FAM20C: variants seen among roughly 807,000 people sequenced by gnomAD.
FAM20C encodes FAM20C golgi associated secretory pathway kinase, also known as extracellular serine/threonine protein kinase FAM20C.
In FAM20C, 40 loss-of-function variants were observed where a neutral mutation model predicts 51.5. The ratio of observed to expected loss-of-function variants is 0.78; its 90% CI spans 0.60 to 1.01. The LOEUF (loss-of-function observed/expected upper bound fraction) is 1.01, where lower values mean the gene tolerates loss of function less well. Among genes scored for constraint, FAM20C ranks in the 50% least tolerant of loss-of-function variants. The pLI, the probability that FAM20C is intolerant of heterozygous loss-of-function variation, is 0.00. For synonymous variants in FAM20C, 406 were observed against 380.6 expected, an observed-to-expected ratio of 1.07 and a Z score of -0.78; for missense variants, 861 against 844.7, an observed-to-expected ratio of 1.02 and a Z score of -0.24.
At chr7:249,834 C>T (rs1161952443) in intron 5 of FAM20C, among the ~76,000 whole-genome samples, 1 of 152,228 alleles carries the variant, frequency 6.6e-6, no homozygotes, top group African/African-American at 2.4e-5. Flanking sequence ...GCCCCTGCTG[C>T]ACAGCCTGTT....
At chr7:220,755 G>C (rs913426534) in intron 3 of FAM20C, among the ~76,000 whole-genome samples, 2 of 152,234 alleles carry the variant, frequency 1.3e-5, no homozygotes, top group African/African-American at 4.8e-5. Flanking sequence ...GAAGCTCCAC[G>C]TGGTGGGCAG....
chr7:227,123 ATT>A (rs143466747), intron 3 of FAM20C, among the ~76,000 whole-genome samples: 3 of 149,370 alleles, frequency 2.0e-5, no homozygotes, highest in Non-Finnish European at 3.0e-5. Context: ...AAGGAAAGTC[ATT>A]TTTTTTTTCC....
At chr7:226,359 A>C (rs188322238) in intron 3 of FAM20C, among the ~76,000 whole-genome samples, 1 of 152,154 alleles carries the variant, frequency 6.6e-6, no homozygotes, top group African/African-American at 2.4e-5. Flanking sequence ...GTTTGAAAAC[A>C]GATCAACGTT....
chr7:196,076 C>T (rs1453548962), intron 2 of FAM20C, among the ~76,000 whole-genome samples: 3 of 152,090 alleles, frequency 2.0e-5, no homozygotes, highest in African/African-American at 4.8e-5. Context: ...TCTCTGGCGG[C>T]GGTGACCCCT....
At position 231,937 on chromosome 7, in the gene FAM20C, C is replaced by T. The variant is rs146389095; in HGVS notation, c.864-14478C>T. 9.8e-3 allele frequency among the ~76,000 whole-genome samples: 1,490 copies of T among 152,310 alleles called. 19 individuals carry two copies. The highest frequency in any genetic ancestry group is 0.034 in the African/African-American group (1,427 of 41,550). ...CAGGACACCCAAGGACTCCATCCTC[C>T]GGCCCCAGCACCCGCCCCTGCCCAG... On this transcript the variant is annotated intron_variant, in intron 3 of 9. Coordinates refer to ENST00000313766, the MANE Select transcript of FAM20C (RefSeq NM_020223.4).
chr7:231,631 G>A (rs971972092), intron 3 of FAM20C, among the ~76,000 whole-genome samples: 2 of 152,166 alleles, frequency 1.3e-5, no homozygotes, highest in African/African-American at 4.8e-5. Context: ...GTGTGGTCAG[G>A]AGGCTGCCTG....
At chr7:243,944 A>AATAATAATAATAATT (rs771341264) in intron 3 of FAM20C, among the ~76,000 whole-genome samples, 3 of 136,842 alleles carry the variant, frequency 2.2e-5, no homozygotes, top group African/African-American at 5.4e-5. Context: ...TAATAATAAT[A>AATAATAATAATAATT]ATTATTATTA....
chr7:234,487 G>A (rs1172614672), intron 3 of FAM20C, among the ~76,000 whole-genome samples: 4 of 152,150 alleles, frequency 2.6e-5, no homozygotes, highest in African/African-American at 7.2e-5. Context: ...TGCCAGGACC[G>A]GGACTCCTCT....
At chr7:211,223 G>C (rs928766094) in intron 3 of FAM20C, among the ~76,000 whole-genome samples, 1 of 134,284 alleles carries the variant, frequency 7.4e-6, no homozygotes, top group East Asian at 2.3e-4. Flanking sequence ...GCCTCCCCTC[G>C]GACCTTCCCA....
chr7:202,555 A>G (rs1393927040), intron 2 of FAM20C, among the ~76,000 whole-genome samples: 1 of 142,994 alleles, frequency 7.0e-6, no homozygotes, highest in Non-Finnish European at 1.5e-5. Flanking sequence ...GTGCATAGAG[A>G]GGACGGGTAG....
rs1487785349 is a variant in FAM20C at position 192,777 on chromosome 7, C to G, written c.-423C>G. Among the ~76,000 whole-genome samples the G allele has an allele frequency of 6.8e-6, 1 of 147,478 alleles. No homozygotes were observed. Among genetic ancestry groups the G allele is most frequent in the Non-Finnish European group, 1.5e-5 (1 of 66,114 alleles). On this transcript the variant is annotated 5_prime_UTR_variant, in exon 1 of 10. Transcript: ENST00000313766. ...CCCGCCCGGCGCCTGGAGAGGAGCGCGCTGAGGATCGGGACGCCTGCGGCC... is the reference window on the plus strand; with the variant it reads ...CCCGCCCGGCGCCTGGAGAGGAGCGGGCTGAGGATCGGGACGCCTGCGGCC...
At chr7:217,593 C>G (rs1787060287) in intron 3 of FAM20C, among the ~76,000 whole-genome samples, 1 of 152,118 alleles carries the variant, frequency 6.6e-6, no homozygotes, top group African/African-American at 2.4e-5. Flanking sequence ...CAGGGCGGCC[C>G]TAGAGAGGTG....
chr7:251,479 C>T (rs1425562544), intron 5 of FAM20C, among the ~76,000 whole-genome samples: 2 of 151,896 alleles, frequency 1.3e-5, no homozygotes, highest in Non-Finnish European at 2.9e-5. Context: ...GATCGGGCAC[C>T]ACTGCACTCC....
intron 8 of FAM20C, 31 bp from the exon 9 acceptor site, chr7:258,615 G>C: frequency 6.5e-7 from 1 of 1,535,964 alleles, no homozygotes; most frequent in Non-Finnish European, 8.7e-7. Flanking sequence ...TTGTACAGGG[G>C]CCCTTGACAA....
In FAM20C at chr7:256,956, C is replaced by T. The variant is rs371869318; in HGVS notation, c.1364-49C>T. Reference sequence around the variant, plus strand: ...GCAGAGCACAGAGGCCTCTGAGCTACGTGGCCCGGCTCCCCACGAGCTGTG... The same window carrying T: ...GCAGAGCACAGAGGCCTCTGAGCTATGTGGCCCGGCTCCCCACGAGCTGTG... On this transcript the variant is annotated intron_variant, in intron 7 of 9. Transcript: ENST00000313766. 2.6e-4 allele frequency: 401 copies of T among 1,527,826 alleles called. 1 individual carries two copies. The highest frequency in any genetic ancestry group is 2.2e-3 in the African/African-American group (161 of 72,940). 94.6% of individuals were successfully genotyped at this position (1,527,826 alleles called of 1,614,324 possible). A position where few individuals can be genotyped will look rare whatever the true frequency, so the allele number is the denominator to read the frequency against.
intron 2 of FAM20C, among the ~76,000 whole-genome samples, chr7:206,788 G>A (rs1786424463): frequency 7.5e-6 from 1 of 133,050 alleles, no homozygotes. Context: ...CCTCGGCCCC[G>A]CACACGTGTC....
intron 2 of FAM20C, among the ~76,000 whole-genome samples, chr7:205,808 C>T (rs1387903254): frequency 6.6e-6 from 1 of 152,054 alleles, no homozygotes; most frequent in Non-Finnish European, 1.5e-5. Context: ...ATTCAGTGTC[C>T]TCGGGAAGCA....
intron 3 of FAM20C, among the ~76,000 whole-genome samples, chr7:243,919 A>AAATAATAATAAT (rs769426964): frequency 1.4e-5 from 2 of 142,478 alleles, no homozygotes; most frequent in South Asian, 2.3e-4. Flanking sequence ...TTTCTAAAGA[A>AAATAATAATAAT]AATAATAATA....
At position 259,950 on chromosome 7, in the gene FAM20C, C is replaced by T; in HGVS notation, c.1725C>T (p.Asp575=). The T allele has an allele frequency of 6.6e-7, 1 of 1,526,152 alleles. No homozygotes were observed. The highest frequency in any genetic ancestry group is 1.2e-5 in the South Asian group (1 of 83,722). 94.5% of individuals were successfully genotyped at this position (1,526,152 alleles called of 1,614,324 possible). The change falls in exon 10 of 10, where the codon GAC becomes GAT. Residue 575 remains aspartate (D), a synonymous_variant. Transcript: ENST00000313766. ...ACAGCGTGGTGGATGACGACCTGGA[C>T]ACTGAGCACAGAGCCGCCTCGGCGA... ...GLHSVVDDDL[D]TEHRAASAR
Sources: gnomAD v4.1 joint callset for allele counts (sites outside exome capture counted in the v4.1 genomes callset) on GRCh38, gnomAD v4.1.1 for gene constraint, MANE v1.5 for transcripts, NCBI Gene and HGNC (gene_info 2026-07-23, HGNC 2026-07-21) for gene names.